NECAP2: variants seen among roughly 807,000 people sequenced by gnomAD.
NECAP2 encodes NECAP endocytosis associated 2.
A neutral mutation model predicts 37.8 loss-of-function variants in NECAP2; 38 were observed. The observed-to-expected ratio is 1.01, with a 90% CI of 0.78 to 1.32. The LOEUF (loss-of-function observed/expected upper bound fraction) is 1.32. NECAP2 is among the 40% of genes most tolerant of loss of function. NECAP2 has a pLI of 0.00. For synonymous variants in NECAP2, 121 were observed against 127.7 expected (o/e 0.95, Z 0.35); for missense variants, 316 against 334.5 (o/e 0.94, Z 0.43).
rs910040977 is a variant in NECAP2, at chr1:16,451,822, C to T, written c.490-16C>T. Reference sequence around the variant, plus strand: ...CCAGCAGAACGGGCTGATTTGCATTCCTCTTCCCTCTTTAGAACATGAAGA... The same window carrying T: ...CCAGCAGAACGGGCTGATTTGCATTTCTCTTCCCTCTTTAGAACATGAAGA... On this transcript the variant is annotated splice_polypyrimidine_tract_variant and intron_variant, in intron 5 of 7. Transcript: ENST00000337132. 1 of 1,613,994 alleles carries T rather than the reference C, an allele frequency of 6.2e-7. No individual in the cohort carries two copies. The highest frequency in any genetic ancestry group is 8.5e-7 in the Non-Finnish European group (1 of 1,179,928).
Position 16,440,730 on chromosome 1 carries a change from C to T in NECAP2, c.-32C>T, listed in dbSNP as rs936473384. 13 of 1,595,116 alleles carry T rather than the reference C, an allele frequency of 8.1e-6. No individual in the cohort carries two copies. The highest frequency in any genetic ancestry group is 2.7e-5 in the African/African-American group (2 of 74,510). On this transcript the variant is annotated 5_prime_UTR_variant, in exon 1 of 8. Transcript: ENST00000337132. ...CGTCGGACAGAGGAACGGTGGAAGT[C>T]GCCGGAAGTTCGGTGGGCTCCAGGC... is the stretch of plus-strand genomic sequence containing the variant.
In NECAP2 at chr1:16,455,844, C is replaced by G. The variant is rs2086909274; in HGVS notation, c.694C>G (p.Pro232Ala). 1.9e-6 allele frequency: 3 copies of G among 1,614,090 alleles called. No homozygotes were observed. Among genetic ancestry groups the G allele is most frequent in the African/African-American group, 1.3e-5 (1 of 75,050 alleles). Residue 232 changes from proline to alanine, a missense_variant, in exon 7 of 8, where the codon CCC becomes GCC. Physicochemically the swap from Pro to Ala is conservative, Grantham distance 27. Coordinates refer to ENST00000337132, the MANE Select transcript of NECAP2 (RefSeq NM_018090.5). ...AGGTGCTCCTGTACCCTGGCCACAG[C>G]CCAATCCTGCCACTGCTGACATCTG... ...SGGAPVPWPQ[P>A]NPATADIWGD... is the part of the protein sequence containing the mutation.
chr1:16,458,998 T>C lies in NECAP2; in HGVS notation c.*108T>C, dbSNP rs937263132. The C allele has an allele frequency of 3.8e-6, 6 of 1,593,252 alleles. No homozygotes were observed. Among genetic ancestry groups the C allele is most frequent in the Non-Finnish European group, 5.1e-6 (6 of 1,169,910 alleles). On this transcript the variant is annotated 3_prime_UTR_variant, in exon 8 of 8. Transcript: ENST00000337132. ...AGCTGGCCTGTGTTTGGGGCATGAA[T>C]CTCTCCTCTCCTCCTTGTCTGGCTC...
chr1:16,453,948 G>A (rs1194794035), intron 6 of NECAP2, among the ~76,000 whole-genome samples: 1 of 152,132 alleles, frequency 6.6e-6, no homozygotes, highest in African/African-American at 2.4e-5. Flanking sequence ...AAACAAAATG[G>A]TGTCAGATAA....
intron 5 of NECAP2, chr1:16,451,257 TCA>T (rs2086837914): frequency 6.5e-6 from 1 of 152,940 alleles, no homozygotes. Flanking sequence ...TTGTGAGAAT[TCA>T]CCCGATTTAT....
At chr1:16,454,057 T>A (rs941362470) in intron 6 of NECAP2, among the ~76,000 whole-genome samples, 3 of 152,174 alleles carry the variant, frequency 2.0e-5, no homozygotes, top group Admixed American at 2.0e-4. Flanking sequence ...TATTTATTTA[T>A]TTTTATTTTT....
chr1:16,453,697 C>T (rs2086878378), intron 6 of NECAP2, among the ~76,000 whole-genome samples: 2 of 151,748 alleles, frequency 1.3e-5, no homozygotes, highest in African/African-American at 4.8e-5. Flanking sequence ...CTGTGTTGGC[C>T]AGGATGGTCT....
At chr1:16,443,439 T>C (rs1390333410) in intron 1 of NECAP2, among the ~76,000 whole-genome samples, 193 bp from the exon 2 acceptor site, 1 of 152,264 alleles carries the variant, frequency 6.6e-6, no homozygotes, top group Non-Finnish European at 1.5e-5. Flanking sequence ...ATACTGATTT[T>C]ACCCTACAGC....
Position 16,456,933 on chromosome 1 carries a change from C to G in NECAP2, c.743+1040C>G, listed in dbSNP as rs188222281. ...CGCAGGCTGGCCTTGAACTCCTGGG[C>G]TCAAGCGATCTGCCTGCCTCGGCCT... On this transcript the variant is annotated intron_variant, in intron 7 of 7. Coordinates refer to ENST00000337132, the MANE Select transcript of NECAP2 (RefSeq NM_018090.5). Among the ~76,000 whole-genome samples, 443 of 152,228 alleles carry G rather than the reference C, an allele frequency of 2.9e-3. 3 individuals carry two copies. Among genetic ancestry groups the G allele is most frequent in the African/African-American group, 0.01 (433 of 41,554 alleles).
intron 7 of NECAP2, among the ~76,000 whole-genome samples, chr1:16,458,286 T>C (rs1394894906): frequency 6.6e-6 from 1 of 152,066 alleles, no homozygotes; most frequent in African/African-American, 2.4e-5. Context: ...GTGAGCTATA[T>C]TTTTTCTACA....
At chr1:16,443,167 T>C (rs1169078937) in intron 1 of NECAP2, among the ~76,000 whole-genome samples, 1 of 152,182 alleles carries the variant, frequency 6.6e-6, no homozygotes, top group East Asian at 1.9e-4. Flanking sequence ...GAAAGGAAAC[T>C]GGAAGGAAGT....
chr1:16,452,765 G>A (rs952916363), intron 6 of NECAP2, among the ~76,000 whole-genome samples: 13 of 151,432 alleles, frequency 8.6e-5, no homozygotes, highest in African/African-American at 1.9e-4. Flanking sequence ...ACCTCCCCGC[G>A]CGCCCCCCCC....
At chr1:16,454,109 G>C (rs1570271698) in intron 6 of NECAP2, among the ~76,000 whole-genome samples, 1 of 152,072 alleles carries the variant, frequency 6.6e-6, no homozygotes, top group East Asian at 1.9e-4. Context: ...GCCCAGGCTG[G>C]AGTGTGATGG....
chr1:16,455,935 C>T (rs1206261850), intron 7 of NECAP2, 42 bp downstream of exon 7: 10 of 1,479,458 alleles, frequency 6.8e-6, no homozygotes, highest in Middle Eastern at 3.5e-4. Context: ...GGGCCAGGGC[C>T]GTTGCTCTAC....
chr1:16,440,986 CCA>C, intron 1 of NECAP2, 133 bp downstream of exon 1: 1 of 707,518 alleles, frequency 1.4e-6, no homozygotes, highest in South Asian at 1.7e-5. Flanking sequence ...GCTGCTTCTT[CCA>C]GTTCCAGGCC....
At chr1:16,449,956 G>A (rs1049334280) in intron 5 of NECAP2, 13 of 288,956 alleles carry the variant, frequency 4.5e-5, no homozygotes, top group African/African-American at 2.5e-4. Context: ...TCATGATTGC[G>A]GGGACCCAAG....
chr1:16,451,680 T>C lies in NECAP2; in HGVS notation c.490-158T>C, dbSNP rs1042371274. ...TGAGAGATTCAGAATGATGATGCAC[T>C]AAGTATAGCTCATAGCAATGGAGGT... On this transcript the variant is annotated intron_variant, in intron 5 of 7. Coordinates refer to ENST00000337132, the MANE Select transcript of NECAP2 (RefSeq NM_018090.5). The C allele has an allele frequency of 7.2e-6, 5 of 692,184 alleles. No individual in the cohort carries two copies. In the African/African-American group the frequency reaches 9.0e-5, roughly 12 times the overall value. 42.9% of individuals were successfully genotyped at this position (692,184 alleles called of 1,614,324 possible).
At chr1:16,454,496 C>T (rs1052049671) in intron 6 of NECAP2, among the ~76,000 whole-genome samples, 14 of 152,296 alleles carry the variant, frequency 9.2e-5, no homozygotes, top group African/African-American at 2.9e-4. Context: ...GCTGGCATTA[C>T]AGGCATGCAC....
rs573173162 is a variant in NECAP2, at chr1:16,458,915, G to A, written c.*25G>A. The stretch of plus-strand genomic sequence containing the variant: ...ACCTGAGCACGGTTTTTCCTCATGT[G>A]ACTTCTGGGAAGGCGCTCCCTCATC... On this transcript the variant is annotated 3_prime_UTR_variant, in exon 8 of 8. Transcript: ENST00000337132. 3 of 1,614,066 alleles carry A rather than the reference G, an allele frequency of 1.9e-6. No homozygotes were observed. The highest frequency in any genetic ancestry group is 2.2e-5 in the East Asian group (1 of 44,856).
Sources: gnomAD v4.1 joint callset for allele counts (sites outside exome capture counted in the v4.1 genomes callset) on GRCh38, gnomAD v4.1.1 for gene constraint, MANE v1.5 for transcripts, NCBI Gene and HGNC (gene_info 2026-07-23, HGNC 2026-07-21) for gene names.